LAT2: variants seen among roughly 807,000 people sequenced by gnomAD.
LAT2 encodes the protein linker for activation of T-cells family member 2.
In LAT2, 23 loss-of-function variants were observed where a neutral mutation model predicts 43.4. The ratio of observed to expected loss-of-function variants is 0.53; its 90% CI spans 0.38 to 0.75. The LOEUF (loss-of-function observed/expected upper bound fraction) is 0.75, where lower values mean the gene tolerates loss of function less well. LAT2 is among the 30% of genes least tolerant of loss of function. The probability of loss-of-function intolerance (pLI) is 0.00; values close to 1 mark genes in which losing one functional copy is unlikely to be tolerated. For synonymous variants in LAT2, 128 were observed against 123.2 expected, an observed-to-expected ratio of 1.04 and a Z score of -0.26; for missense variants, 284 against 310.2, an observed-to-expected ratio of 0.92 and a Z score of 0.64.
At chr7:74,228,737 C>T (rs1265733522) in intron 13 of LAT2, among the ~76,000 whole-genome samples, 3 of 151,104 alleles carry the variant, frequency 2.0e-5, no homozygotes, top group Non-Finnish European at 2.9e-5. Context: ...TGCAGTGAGC[C>T]GAGATCGCGC....
intron 4 of LAT2, among the ~76,000 whole-genome samples, chr7:74,217,579 C>T (rs1160659155): frequency 2.6e-5 from 4 of 152,174 alleles, no homozygotes; most frequent in South Asian, 2.1e-4. Context: ...GAAATGTGAA[C>T]GTTGTCGGAG....
intron 11 of LAT2, 88 bp downstream of exon 11, chr7:74,223,871 C>T: frequency 1.3e-6 from 2 of 1,490,410 alleles, no homozygotes; most frequent in Non-Finnish European, 1.9e-6. Flanking sequence ...TGCTCAAAGG[C>T]CGCCCCCACT....
chr7:74,216,358 A>T (rs549276748), intron 3 of LAT2, among the ~76,000 whole-genome samples: 1 of 152,162 alleles, frequency 6.6e-6, no homozygotes, highest in East Asian at 1.9e-4. Context: ...CTTCTAAAAA[A>T]GGGTGAGCAA....
intron 13 of LAT2, chr7:74,225,752 C>T (rs1802461762): frequency 6.6e-6 from 1 of 152,374 alleles, no homozygotes; most frequent in Admixed American, 6.5e-5. Flanking sequence ...AAGTCCCCAT[C>T]TGGGAGACCC....
intron 1 of LAT2, among the ~76,000 whole-genome samples, chr7:74,214,229 AATATATATGAAAATATATATATAAATAT>A (rs1563966962): frequency 0.022 from 1,625 of 72,848 alleles, 45 homozygotes; most frequent in Non-Finnish European, 0.029. Context: ...TATATATGAA[AATATATATGAAAATATATATATAAATAT>A]ATATATATGA....
Position 74,219,657 on chromosome 7 carries a change from C to T in LAT2, c.135-87C>T, listed in dbSNP as rs946107511. On this transcript the variant is annotated intron_variant, in intron 4 of 13. Coordinates refer to ENST00000460943, the MANE Select transcript of LAT2 (RefSeq NM_032464.3). The stretch of plus-strand genomic sequence containing the variant: ...AGTCCGTCCCTCTGCTTTCCCTCCT[C>T]ATCCCTGCCTGTCCCTCCCTCCTGT... The T allele has an allele frequency of 1.2e-5, 18 of 1,526,638 alleles. No homozygotes were observed. In the African/African-American group the frequency reaches 1.8e-4, roughly 15 times the overall value. The allele number at this position is 1,526,638 out of a possible 1,614,324, so 94.6% of individuals were successfully genotyped here.
At chr7:74,213,417 G>A (rs990061598) in intron 1 of LAT2, among the ~76,000 whole-genome samples, 14 of 139,808 alleles carry the variant, frequency 1.0e-4, no homozygotes, top group Non-Finnish European at 1.4e-4. Flanking sequence ...CACTGTGCCC[G>A]GCCATTTTTT....
intron 10 of LAT2, 106 bp downstream of exon 10, chr7:74,221,798 C>A: frequency 1.2e-6 from 1 of 809,284 alleles, no homozygotes; most frequent in Non-Finnish European, 1.9e-6. Flanking sequence ...TCGGGTAAAT[C>A]GGCAGAGCCG....
At chr7:74,216,757 C>CG in intron 3 of LAT2, 68 bp from the exon 4 acceptor site, 1 of 1,348,970 alleles carries the variant, frequency 7.4e-7, no homozygotes. Flanking sequence ...CAAGACATGG[C>CG]GGGGGGTGTC....
chr7:74,227,778 G>A (rs1352594872), intron 13 of LAT2, among the ~76,000 whole-genome samples: 4 of 151,916 alleles, frequency 2.6e-5, no homozygotes, highest in African/African-American at 7.3e-5. Context: ...AGGTTGAGGC[G>A]GGAGGATAGC....
chr7:74,219,853 C>A, intron 5 of LAT2, 66 bp downstream of exon 5: 1 of 1,611,140 alleles, frequency 6.2e-7, no homozygotes, highest in Admixed American at 1.7e-5. Flanking sequence ...TTATCTCGGT[C>A]CCCATTGACC....
Position 74,220,136 on chromosome 7 carries a change from C to A in LAT2, c.228-81C>A. The A allele has an allele frequency of 6.4e-7, 1 of 1,563,836 alleles. No individual in the cohort carries two copies. The highest frequency in any genetic ancestry group is 1.2e-5 in the South Asian group (1 of 85,572). ...CCAGGGCTCAGCTATGAAGGCCCCA[C>A]AAGGGGTATGGGGGGATGTGTCCTG... On this transcript the variant is annotated intron_variant, in intron 6 of 13. Coordinates refer to ENST00000460943, the MANE Select transcript of LAT2 (RefSeq NM_032464.3). The surrounding 1 kb of genome is among the most constrained non-coding windows in gnomAD (Gnocchi z 4.5).
intron 10 of LAT2, 123 bp downstream of exon 10, chr7:74,221,815 T>G: frequency 1.7e-5 from 9 of 539,118 alleles, no homozygotes; most frequent in South Asian, 9.9e-5. Context: ...GCCGGTTGGG[T>G]GGACAGAAGG....
At chr7:74,211,393 T>C (rs1183840759) in intron 1 of LAT2, among the ~76,000 whole-genome samples, 1 of 152,160 alleles carries the variant, frequency 6.6e-6, no homozygotes, top group Non-Finnish European at 1.5e-5. Context: ...TCTCCTGCCT[T>C]ACCCTTCCAA....
At position 74,224,083 on chromosome 7, in the gene LAT2, A is replaced by G; in HGVS notation, c.514A>G (p.Thr172Ala). 2 of 1,614,082 alleles carry G rather than the reference A, an allele frequency of 1.2e-6. No homozygotes were observed. The highest frequency in any genetic ancestry group is 2.7e-5 in the African/African-American group (2 of 75,014). The change falls in exon 12 of 14, where the codon ACT becomes GCT. Residue 172 changes from threonine (T) to alanine (A), a missense_variant. Transcript: ENST00000460943. ...GDLSLSLALK[T>A]GPTSGLCPSA... The stretch of plus-strand genomic sequence containing the variant: ...CCTCAGCCTGTCACTGGCCCTGAAG[A>G]CTGGCCCCACTTCTGGTCTCTGTCC...
chr7:74,220,350 G>A lies in LAT2; in HGVS notation c.265+96G>A. 7 of 1,418,218 alleles carry A rather than the reference G, an allele frequency of 4.9e-6. No individual in the cohort carries two copies. Among genetic ancestry groups the A allele is most frequent in the East Asian group, 2.3e-5 (1 of 43,562 alleles). The allele number at this position is 1,418,218 out of a possible 1,614,324, so 87.9% of individuals were successfully genotyped here. On this transcript the variant is annotated intron_variant, in intron 7 of 13. Transcript: ENST00000460943. This position sits in a 1 kb window ranked among gnomAD's most constrained non-coding sequence, Gnocchi z 4.5. ...GGACAGGCGTCGTGCAGTGGGGGCT[G>A]CGGGGCCAGGCGAGGCCTCCCCAGG...
chr7:74,215,571 C>T (rs1164051499), intron 2 of LAT2, among the ~76,000 whole-genome samples: 2 of 152,186 alleles, frequency 1.3e-5, no homozygotes, highest in African/African-American at 2.4e-5. Context: ...CCCATCTTTC[C>T]ACTTAGCAGA....
chr7:74,225,424 A>G (rs781922232), intron 13 of LAT2: 1 of 152,328 alleles, frequency 6.6e-6, no homozygotes, highest in Non-Finnish European at 1.5e-5. Context: ...TTGCACACAA[A>G]GCCTCAGCCC....
Position 74,220,065 on chromosome 7 carries a change from G to C in LAT2, c.227+57G>C. 1 of 1,596,862 alleles carries C rather than the reference G, an allele frequency of 6.3e-7. No individual in the cohort carries two copies. The highest frequency in any genetic ancestry group is 8.6e-7 in the Non-Finnish European group (1 of 1,169,224). Reference sequence around the variant, plus strand: ...ATGAAAGTCCTGGAGGTCCTCACCTGGTGAGCCCAGGTCAAGACCTCCCTC... The same window carrying C: ...ATGAAAGTCCTGGAGGTCCTCACCTCGTGAGCCCAGGTCAAGACCTCCCTC... On this transcript the variant is annotated intron_variant, in intron 6 of 13. Transcript: ENST00000460943. This position sits in a 1 kb window ranked among gnomAD's most constrained non-coding sequence, Gnocchi z 4.5.
Sources: allele counts gnomAD v4.1 joint callset (sites outside exome capture counted in the v4.1 genomes callset), GRCh38; gene constraint gnomAD v4.1.1; non-coding constraint Gnocchi (gnomAD v3.1); transcripts MANE v1.5; gene names NCBI Gene and HGNC (gene_info 2026-07-23, HGNC 2026-07-21).